The following BFSP2 variants were observed in gnomAD, a reference collection of about 807,000 sequenced individuals.
BFSP2 encodes the protein phakinin.
Under a neutral mutation model 44.9 loss-of-function variants are expected in BFSP2, and 38 were observed. The ratio of observed to expected loss-of-function variants is 0.85; its 90% CI spans 0.65 to 1.11. The LOEUF (loss-of-function observed/expected upper bound fraction) is 1.11. Ranked by LOEUF, BFSP2 falls within the 50% of genes least tolerant of loss-of-function variation. BFSP2 has a pLI of 0.00. For missense variants in BFSP2, 525 were observed against 533.0 expected, an observed-to-expected ratio of 0.99 and a Z score of 0.15; for synonymous variants, 197 against 209.9, an observed-to-expected ratio of 0.94 and a Z score of 0.53.
At position 133,450,430 on chromosome 3, in the gene BFSP2, A is replaced by C. The variant is rs1276013209; in HGVS notation, c.857A>C (p.Asn286Thr). The C allele has an allele frequency of 1.2e-6, 2 of 1,613,998 alleles. No homozygotes were observed. Among genetic ancestry groups the C allele is most frequent in the Non-Finnish European group, 1.7e-6 (2 of 1,180,026 alleles). ...CAGTGGGAGAGAGATGTTGAAAAGA[A>C]CCGGGTGGAGGCAGGAGCCCTGCTC... Reference protein sequence around the residue: ...RIQWERDVEKNRVEAGALLQA... With the variant: ...RIQWERDVEKTRVEAGALLQA... The change falls in exon 4 of 7, where the codon AAC becomes ACC. Residue 286 changes from asparagine to threonine, a missense_variant. Asn to Thr is a moderately conservative substitution (Grantham distance 65). Transcript: ENST00000302334.
At chr3:133,406,599 T>C (rs939628702) in intron 1 of BFSP2, among the ~76,000 whole-genome samples, 6 of 152,212 alleles carry the variant, frequency 3.9e-5, no homozygotes, top group Non-Finnish European at 7.3e-5. Context: ...AAGGTCTTCA[T>C]TGATCTCTGC....
chr3:133,447,285 C>CTTG (rs2073911726), intron 1 of BFSP2, 32 bp from the exon 2 acceptor site: 1 of 1,612,080 alleles, frequency 6.2e-7, no homozygotes, highest in Non-Finnish European at 8.5e-7. Context: ...TCCCAGTGAC[C>CTTG]TTGTCTCCTT....
chr3:133,472,408 C>T lies in BFSP2; in HGVS notation c.1087C>T (p.Leu363=), dbSNP rs1480003952. The change falls in exon 6 of 7, where the codon CTG becomes TTG. Residue 363 remains leucine, a synonymous_variant. Transcript: ENST00000302334. ...KHWHDMELQN[L]GAVVGRLEAE... ...CTGGCATGACATGGAGCTCCAGAACCTGGGCGCTGTGGTCGGCCGGCTGGA... is the reference window on the plus strand; with the variant it reads ...CTGGCATGACATGGAGCTCCAGAACTTGGGCGCTGTGGTCGGCCGGCTGGA... 6.2e-7 allele frequency: 1 copy of T among 1,614,016 alleles called. No homozygotes were observed. The highest frequency in any genetic ancestry group is 8.5e-7 in the Non-Finnish European group (1 of 1,180,012).
chr3:133,471,419 T>A (rs1193310595), intron 5 of BFSP2, among the ~76,000 whole-genome samples: 1 of 152,172 alleles, frequency 6.6e-6, no homozygotes, highest in Non-Finnish European at 1.5e-5. Flanking sequence ...CAGGAACACA[T>A]CTTTCCCTGG....
At chr3:133,418,344 C>G (rs1269931213) in intron 1 of BFSP2, among the ~76,000 whole-genome samples, 1 of 152,188 alleles carries the variant, frequency 6.6e-6, no homozygotes, top group Non-Finnish European at 1.5e-5. Context: ...CACTCACCCA[C>G]CAGGGAAACA....
intron 1 of BFSP2, among the ~76,000 whole-genome samples, chr3:133,441,977 G>A (rs1292206275): frequency 1.3e-5 from 2 of 152,206 alleles, no homozygotes; most frequent in Non-Finnish European, 2.9e-5. Context: ...TTGAGCAGGA[G>A]AGGGACTGGT....
intron 1 of BFSP2, among the ~76,000 whole-genome samples, chr3:133,406,342 G>C (rs961372427): frequency 1.2e-4 from 19 of 152,194 alleles, no homozygotes; most frequent in Non-Finnish European, 2.5e-4. Context: ...AGAAAACAGA[G>C]GGAGACTAGG....
chr3:133,474,666 A>G (rs1039160383), intron 6 of BFSP2, among the ~76,000 whole-genome samples: 1 of 152,220 alleles, frequency 6.6e-6, no homozygotes, highest in African/African-American at 2.4e-5. Flanking sequence ...TCTATGTGCT[A>G]CGTTCATTTA....
chr3:133,425,987 GGGCAGGGCAGGGCAGGGAAA>G, intron 1 of BFSP2, among the ~76,000 whole-genome samples: 1 of 49,674 alleles, frequency 2.0e-5, no homozygotes, highest in African/African-American at 8.2e-5. Context: ...GGGGAAGGCA[GGGCAGGGCAGGGCAGGGAAA>G]GGAAGGGAAG....
intron 1 of BFSP2, among the ~76,000 whole-genome samples, chr3:133,412,968 A>G (rs951416295): frequency 1.3e-5 from 2 of 152,226 alleles, no homozygotes; most frequent in African/African-American, 4.8e-5. Flanking sequence ...AGCTGGCGCC[A>G]GAATGTATCT....
intron 1 of BFSP2, among the ~76,000 whole-genome samples, chr3:133,408,681 C>T (rs1353844164): frequency 6.6e-6 from 1 of 152,186 alleles, no homozygotes; most frequent in East Asian, 1.9e-4. Context: ...CAAGAAATCG[C>T]TCTATAGCTA....
intron 1 of BFSP2, among the ~76,000 whole-genome samples, chr3:133,446,573 TATATATATATATATATATATA>T (rs2073899963): frequency 0.03 from 862 of 28,528 alleles, 196 homozygotes; most frequent in South Asian, 0.088. Flanking sequence ...TCACCATTTA[TATATATATATATATATATATA>T]TATATATATA....
At chr3:133,410,541 G>T in intron 1 of BFSP2, 1 of 280,716 alleles carries the variant, frequency 3.6e-6, no homozygotes. Context: ...CAAATCACCT[G>T]GGGACCCTAA....
chr3:133,446,570 TTATATATATATA>T (rs1168844039), intron 1 of BFSP2, among the ~76,000 whole-genome samples: 2 of 22,384 alleles, frequency 8.9e-5, no homozygotes, highest in Non-Finnish European at 1.5e-4. Flanking sequence ...AGCTCACCAT[TTATATATATATA>T]TATATATATA....
chr3:133,427,822 G>A (rs1433565479), intron 1 of BFSP2, among the ~76,000 whole-genome samples: 1 of 152,192 alleles, frequency 6.6e-6, no homozygotes, highest in East Asian at 1.9e-4. Flanking sequence ...GCCCGTAAGT[G>A]TCCCTTAGTT....
At chr3:133,467,705 T>C (rs572889792) in intron 5 of BFSP2, among the ~76,000 whole-genome samples, 1 of 152,284 alleles carries the variant, frequency 6.6e-6, no homozygotes, top group Admixed American at 6.5e-5. Context: ...AAGTTCTATT[T>C]GGGTATTAAA....
chr3:133,437,118 T>C (rs934365952), intron 1 of BFSP2, among the ~76,000 whole-genome samples: 17 of 152,282 alleles, frequency 1.1e-4, no homozygotes, highest in East Asian at 9.6e-4. Context: ...TGGGTATATA[T>C]CCAGTAATGG....
intron 1 of BFSP2, among the ~76,000 whole-genome samples, chr3:133,415,383 C>CT (rs1277941470): frequency 2.4e-5 from 3 of 126,182 alleles, no homozygotes; most frequent in African/African-American, 3.3e-5. Flanking sequence ...CCTGCCCTCT[C>CT]CCCTCCACAA....
chr3:133,473,603 C>T (rs1016889212), intron 6 of BFSP2, among the ~76,000 whole-genome samples: 6 of 151,112 alleles, frequency 4.0e-5, no homozygotes, highest in South Asian at 2.1e-4. Flanking sequence ...GAGGACCCTG[C>T]GGCCTTCCGC....
Sources: allele counts gnomAD v4.1 joint callset (sites outside exome capture counted in the v4.1 genomes callset), GRCh38; gene constraint gnomAD v4.1.1; transcripts MANE v1.5; gene names NCBI Gene and HGNC (gene_info 2026-07-23, HGNC 2026-07-21).